Variants in NHSL3 observed in about 807,000 individuals in gnomAD.
The protein encoded by NHSL3 is NHS like 3.
chr1:32,742,881 TG>T, the NHSL3 span, among the ~76,000 whole-genome samples: 2 of 152,126 alleles, frequency 1.3e-5, no homozygotes, highest in South Asian at 2.1e-4. Flanking sequence ...TGCTTACAGA[TG>T]GGGGAAACTG....
At chr1:32,742,043 G>GCGCGTCCGGCCTCCGC in the NHSL3 span, 9 of 1,261,278 alleles carry the variant, frequency 7.1e-6, no homozygotes, top group South Asian at 2.9e-5. Flanking sequence ...TCCCGCTCCG[G>GCGCGTCCGGCCTCCGC]CGCGTCCGGC....
At chr1:32,759,449 C>G in the NHSL3 span, among the ~76,000 whole-genome samples, 3 of 152,212 alleles carry the variant, frequency 2.0e-5, no homozygotes, top group Non-Finnish European at 4.4e-5. Context: ...TTGCTGGGAG[C>G]AAATACTGGC....
At chr1:32,771,050 C>T in the NHSL3 span, 12 of 1,529,562 alleles carry the variant, frequency 7.8e-6, no homozygotes, top group Non-Finnish European at 1.1e-5. Context: ...TCCCCTGGGG[C>T]CTCCGTCTCC....
chr1:32,749,915 C>T, the NHSL3 span, among the ~76,000 whole-genome samples: 8 of 152,170 alleles, frequency 5.3e-5, no homozygotes, highest in African/African-American at 1.9e-4. Flanking sequence ...AATCTGCATT[C>T]TCTTGTCAGC....
the NHSL3 span, among the ~76,000 whole-genome samples, chr1:32,744,148 G>A: frequency 6.6e-6 from 1 of 152,160 alleles, no homozygotes; most frequent in African/African-American, 2.4e-5. Context: ...GGATACACAG[G>A]AGATTCCTGG....
At chr1:32,761,706 GTTT>G in the NHSL3 span, among the ~76,000 whole-genome samples, 1 of 152,166 alleles carries the variant, frequency 6.6e-6, no homozygotes, top group Non-Finnish European at 1.5e-5. Flanking sequence ...CAGAGACTAC[GTTT>G]TGCCTTTCAC....
At chr1:32,769,725 GCGT>G in the NHSL3 span, 1 of 1,614,090 alleles carries the variant, frequency 6.2e-7, no homozygotes, top group Non-Finnish European at 8.5e-7. Context: ...AGTCAGGGCG[GCGT>G]CGGCGGGAGC....
the NHSL3 span, among the ~76,000 whole-genome samples, chr1:32,753,234 C>T: frequency 4.0e-5 from 6 of 151,762 alleles, 1 homozygote; most frequent in Non-Finnish European, 8.8e-5. Context: ...CCTGTAATCC[C>T]AGCACTTTAG....
chr1:32,754,067 C>T, the NHSL3 span: 5 of 653,806 alleles, frequency 7.6e-6, no homozygotes, highest in Non-Finnish European at 1.4e-5. Context: ...GCTTGGGTTC[C>T]CGCGCCGGCT....
At chr1:32,741,955 A>C in the NHSL3 span, 3 of 1,022,792 alleles carry the variant, frequency 2.9e-6, no homozygotes, top group Non-Finnish European at 1.2e-6. This position sits in a 1 kb window ranked among gnomAD's most constrained non-coding sequence, Gnocchi z 4.3. Flanking sequence ...CCCGCCTGCC[A>C]TGGCGGCCCG....
chr1:32,765,722 T>A, the NHSL3 span: 1 of 1,545,296 alleles, frequency 6.5e-7, no homozygotes, highest in Non-Finnish European at 8.7e-7. Context: ...CGCTCTGCTC[T>A]GGAGAGGCAG....
At chr1:32,749,343 C>T in the NHSL3 span, among the ~76,000 whole-genome samples, 1 of 152,168 alleles carries the variant, frequency 6.6e-6, no homozygotes. Flanking sequence ...ACTGGGTTGA[C>T]AGACTCTTCC....
At chr1:32,754,744 C>A in the NHSL3 span, among the ~76,000 whole-genome samples, 1 of 152,146 alleles carries the variant, frequency 6.6e-6, no homozygotes, top group African/African-American at 2.4e-5. Context: ...AGATCTTAGC[C>A]CCCAACAGGC....
the NHSL3 span, chr1:32,742,034 C>A: frequency 8.0e-7 from 1 of 1,257,348 alleles, no homozygotes; most frequent in South Asian, 2.9e-5. Flanking sequence ...AGGAAGAAGT[C>A]CCGCTCCGGC....
At chr1:32,753,399 C>T in the NHSL3 span, among the ~76,000 whole-genome samples, 1 of 151,726 alleles carries the variant, frequency 6.6e-6, no homozygotes, top group Non-Finnish European at 1.5e-5. Flanking sequence ...GCAGGAGAAT[C>T]GTTTGAACCG....
the NHSL3 span, among the ~76,000 whole-genome samples, chr1:32,766,008 T>C: frequency 6.6e-6 from 1 of 152,124 alleles, no homozygotes; most frequent in African/African-American, 2.4e-5. Flanking sequence ...GCTGCCTTTG[T>C]CTGGGCCCTG....
At chr1:32,762,413 T>C in the NHSL3 span, among the ~76,000 whole-genome samples, 1 of 151,370 alleles carries the variant, frequency 6.6e-6, no homozygotes, top group Non-Finnish European at 1.5e-5. Context: ...GCTATGTTTT[T>C]TAGAGTTATC....
chr1:32,742,258 G>T, the NHSL3 span: 10 of 1,224,790 alleles, frequency 8.2e-6, no homozygotes, highest in South Asian at 1.1e-4. Context: ...GCTCTGCCGG[G>T]GGTCCGCGCG....
At chr1:32,754,283 G>A in the NHSL3 span, 1 of 591,208 alleles carries the variant, frequency 1.7e-6, no homozygotes, top group African/African-American at 1.9e-5. Context: ...TGTGAGTGTG[G>A]GGGGGTCGGG....
Sources: allele counts gnomAD v4.1 joint callset (sites outside exome capture counted in the v4.1 genomes callset), GRCh38; gene constraint gnomAD v4.1.1; non-coding constraint Gnocchi (gnomAD v3.1); transcripts MANE v1.5; gene names NCBI Gene and HGNC (gene_info 2026-07-23, HGNC 2026-07-21).